The following PRSS3 variants were observed in gnomAD, a reference collection of about 807,000 sequenced individuals.
PRSS3 encodes the protein trypsin-3.
Under a neutral mutation model 20.8 loss-of-function variants are expected in PRSS3, and 14 were observed. That is an observed-to-expected ratio of 0.67 (90% CI 0.44 to 1.05). The LOEUF (loss-of-function observed/expected upper bound fraction) is 1.05. PRSS3 is among the 50% of genes least tolerant of loss of function. PRSS3 has a pLI of 0.00. For missense variants in PRSS3, 237 were observed against 306.4 expected (o/e 0.77, Z 1.69); for synonymous variants, 91 against 117.6 (o/e 0.77, Z 1.46).
In PRSS3 at chr9:33,770,308, G is replaced by A. The variant is rs58892066; in HGVS notation, c.-53+19581G>A. ...GATAATTTCTTGTCTGGTCATAAAG[G>A]TTCACAGCTGGAGAAGAATTTTGCC... On this transcript the variant is annotated intron_variant, in intron 1 of 5. Coordinates refer to the PRSS3 transcript ENST00000342836. Among the ~76,000 whole-genome samples the A allele has an allele frequency of 2.4e-3, 362 of 152,286 alleles. 5 individuals carry two copies. The highest frequency in any genetic ancestry group is 8.2e-3 in the African/African-American group (340 of 41,562).
chr9:33,778,934 C>T (rs1364800875), intron 1 of PRSS3, among the ~76,000 whole-genome samples: 1 of 152,170 alleles, frequency 6.6e-6, no homozygotes, highest in Non-Finnish European at 1.5e-5. Context: ...TACTCTTAAG[C>T]GCCATCTACT....
rs192774508 is a variant in PRSS3, at chr9:33,778,471, C to A, written c.-52-16275C>A. Among the ~76,000 whole-genome samples the A allele has an allele frequency of 3.8e-4, 58 of 152,116 alleles. 1 individual carries two copies. Among genetic ancestry groups the A allele is most frequent in the African/African-American group, 1.3e-3 (55 of 41,538 alleles). ...AAATATTTAAAAAACTATACATTAA[C>A]TACTCAAATTAATAAGTGCATACCT... On this transcript the variant is annotated intron_variant, in intron 1 of 5. Transcript: ENST00000342836.
At chr9:33,783,942 C>A (rs1204861979) in intron 1 of PRSS3, among the ~76,000 whole-genome samples, 1 of 148,278 alleles carries the variant, frequency 6.7e-6, no homozygotes, top group Non-Finnish European at 1.5e-5. Flanking sequence ...TAAACTTGAA[C>A]AAGCAAGAAC....
At chr9:33,798,254 C>T (rs1385741970) in intron 3 of PRSS3, 172 bp downstream of exon 3, 8 of 1,393,602 alleles carry the variant, frequency 5.7e-6, no homozygotes, top group Non-Finnish European at 6.8e-6. Flanking sequence ...AAGGACTTGG[C>T]TCCTAAAATC....
At chr9:33,788,308 C>G (rs1824494522) in intron 1 of PRSS3, among the ~76,000 whole-genome samples, 2 of 152,114 alleles carry the variant, frequency 1.3e-5, no homozygotes, top group Non-Finnish European at 2.9e-5. Flanking sequence ...AGCCAACGAC[C>G]CCCTCTTCTT....
At chr9:33,785,466 C>T (rs544922782) in intron 1 of PRSS3, among the ~76,000 whole-genome samples, 1 of 152,158 alleles carries the variant, frequency 6.6e-6, no homozygotes, top group African/African-American at 2.4e-5. Context: ...CGTGAGCCAC[C>T]GCGCCCGGCC....
intron 1 of PRSS3, among the ~76,000 whole-genome samples, chr9:33,761,477 C>T (rs1331598064): frequency 5.3e-5 from 8 of 151,958 alleles, no homozygotes; most frequent in African/African-American, 1.5e-4. Flanking sequence ...GAGGTGGAGG[C>T]GGGCAGATCA....
intron 2 of PRSS3, among the ~76,000 whole-genome samples, chr9:33,797,119 C>T (rs1269764585): frequency 6.6e-6 from 1 of 152,142 alleles, no homozygotes; most frequent in African/African-American, 2.4e-5. Flanking sequence ...GTGTCCTACC[C>T]CAGGGCAATT....
chr9:33,752,012 A>C (rs1221879670), intron 1 of PRSS3, among the ~76,000 whole-genome samples: 1 of 152,208 alleles, frequency 6.6e-6, no homozygotes, highest in Non-Finnish European at 1.5e-5. Context: ...TGAGATAAGC[A>C]AAAGGTGAGG....
At chr9:33,761,424 T>C (rs747098436) in intron 1 of PRSS3, among the ~76,000 whole-genome samples, 9 of 152,122 alleles carry the variant, frequency 5.9e-5, no homozygotes, top group African/African-American at 7.2e-5. Flanking sequence ...TACGGTATTA[T>C]GGCCAGGTGC....
rs578112858 is a variant in PRSS3 at position 33,797,602 on chromosome 9, C to A, written c.201-227C>A. On this transcript the variant is annotated intron_variant, in intron 2 of 4. Coordinates refer to ENST00000379405, the MANE Select transcript of PRSS3 (RefSeq NM_002771.4). ...TGAGGAGCAGCCTCTGGTGGGATCC[C>A]TTTGACTCTTCCCCACCCCACTACC... Among the ~76,000 whole-genome samples the A allele has an allele frequency of 2.6e-5, 4 of 152,376 alleles. No individual in the cohort carries two copies. In the East Asian group the frequency reaches 7.7e-4, roughly 29 times the overall value.
rs527489778 is a variant in PRSS3 at position 33,784,301 on chromosome 9, G to T, written c.-52-10445G>T. Among the ~76,000 whole-genome samples the T allele has an allele frequency of 2.4e-3, 360 of 152,246 alleles. 4 individuals are homozygous for T. Among genetic ancestry groups the T allele is most frequent in the Middle Eastern group, 3.4e-3 (1 of 294 alleles). On this transcript the variant is annotated intron_variant, in intron 1 of 5. Coordinates refer to the PRSS3 transcript ENST00000342836. Reference sequence around the variant, plus strand: ...ATTTTCAGAAGCTTTTAGGATAAATGAAATGAAAAAGATGCTGGGTTATTT... The same window carrying T: ...ATTTTCAGAAGCTTTTAGGATAAATTAAATGAAAAAGATGCTGGGTTATTT...
At chr9:33,792,584 GC>G (rs1824683275), upstream of PRSS3, among the ~76,000 whole-genome samples, 2 of 152,230 alleles carry the variant, frequency 1.3e-5, no homozygotes, top group Admixed American at 6.5e-5. Flanking sequence ...AAAGCAGAAT[GC>G]CCTATGGCAG....
chr9:33,761,917 G>GCGCC (rs1259836344), intron 1 of PRSS3: 1 of 151,916 alleles, frequency 6.6e-6, no homozygotes, highest in Admixed American at 6.6e-5. Context: ...ATCTTATGGG[G>GCGCC]CCACCATCAT....
intron 1 of PRSS3, among the ~76,000 whole-genome samples, chr9:33,774,512 T>C (rs924199929): frequency 4.7e-4 from 71 of 152,066 alleles, no homozygotes; most frequent in African/African-American, 1.7e-3. Flanking sequence ...TTGAGAAAAA[T>C]GAGGCAGGGC....
intron 4 of PRSS3, 52 bp downstream of exon 4, chr9:33,798,674 C>A (rs373057265): frequency 6.2e-7 from 1 of 1,612,790 alleles, no homozygotes; most frequent in Non-Finnish European, 8.5e-7. Context: ...CAGGCCCCAC[C>A]GGGGAAAAAG....
intron 1 of PRSS3, among the ~76,000 whole-genome samples, chr9:33,788,752 TGAA>T (rs1824513453): frequency 6.6e-6 from 1 of 152,222 alleles, no homozygotes; most frequent in Non-Finnish European, 1.5e-5. Flanking sequence ...CATATTTTAT[TGAA>T]GAAGAGATGG....
At chr9:33,756,018 T>C (rs577686208) in intron 1 of PRSS3, among the ~76,000 whole-genome samples, 3 of 152,324 alleles carry the variant, frequency 2.0e-5, no homozygotes, top group East Asian at 1.9e-4. Context: ...TACCCAATTA[T>C]GTACAGTTTT....
intron 1 of PRSS3, among the ~76,000 whole-genome samples, chr9:33,758,764 C>A (rs1401077398): frequency 6.6e-6 from 1 of 152,098 alleles, no homozygotes; most frequent in Non-Finnish European, 1.5e-5. Flanking sequence ...ATGGTACCAA[C>A]AATTTTACCA....
Sources: allele counts gnomAD v4.1 joint callset (sites outside exome capture counted in the v4.1 genomes callset), GRCh38; gene constraint gnomAD v4.1.1; transcripts MANE v1.5; gene names NCBI Gene and HGNC (gene_info 2026-07-23, HGNC 2026-07-21).